The following MCOLN3 variants were observed in gnomAD, a reference collection of about 807,000 sequenced individuals.
The protein encoded by MCOLN3 is mucolipin TRP cation channel 3.
Under a neutral mutation model 69.4 loss-of-function variants are expected in MCOLN3, and 62 were observed. That is an observed-to-expected ratio of 0.89 (90% CI 0.73 to 1.10). MCOLN3 has a LOEUF of 1.10. Ranked by LOEUF, MCOLN3 falls within the 50% of genes least tolerant of loss-of-function variation. MCOLN3 has a pLI of 0.00. For missense variants in MCOLN3, 564 were observed against 656.4 expected (o/e 0.86, Z 1.54); for synonymous variants, 183 against 217.0 (o/e 0.84, Z 1.38).
At chr1:85,039,772 C>A (rs1440045555) in intron 3 of MCOLN3, among the ~76,000 whole-genome samples, 4 of 151,726 alleles carry the variant, frequency 2.6e-5, no homozygotes, top group Admixed American at 1.3e-4. Flanking sequence ...ATAGGGAGAC[C>A]CTGTCTCTAT....
chr1:85,044,838 C>T (rs1427455286), intron 2 of MCOLN3, among the ~76,000 whole-genome samples: 1 of 152,144 alleles, frequency 6.6e-6, no homozygotes, highest in African/African-American at 2.4e-5. Context: ...ATTTAGAAAC[C>T]AGCTGAACCT....
At chr1:85,036,079 T>C (rs1233851490) in intron 3 of MCOLN3, among the ~76,000 whole-genome samples, 2 of 152,238 alleles carry the variant, frequency 1.3e-5, no homozygotes, top group African/African-American at 4.8e-5. Context: ...TGCTCTTCTA[T>C]ACTTATTTAC....
intron 6 of MCOLN3, among the ~76,000 whole-genome samples, chr1:85,031,645 A>T (rs1401715796): frequency 6.6e-6 from 1 of 152,240 alleles, no homozygotes. Context: ...CCCTTCAGGC[A>T]GAAGGAAAAT....
rs1321332188 is a variant in MCOLN3 at position 85,029,207 on chromosome 1, T to G, written c.733-2A>C. On this transcript the variant is annotated splice_acceptor_variant, in intron 6 of 12. Transcript: ENST00000370589. LOFTEE classifies it high-confidence loss of function. ...ATGGGCCTTGTTGTCAAATGTTATC[T>G]GTGAAGACAGGAAAACAGTCAAAAA... is the stretch of plus-strand genomic sequence containing the variant. 1 of 1,559,840 alleles carries G rather than the reference T, an allele frequency of 6.4e-7. No homozygotes were observed. The highest frequency in any genetic ancestry group is 1.1e-5 in the South Asian group (1 of 89,746).
At chr1:85,035,530 G>A (rs1188598137) in intron 3 of MCOLN3, among the ~76,000 whole-genome samples, 1 of 152,178 alleles carries the variant, frequency 6.6e-6, no homozygotes, top group Non-Finnish European at 1.5e-5. Context: ...TCAGTCAGTT[G>A]TTCAGGCCAA....
chr1:85,041,031 C>T lies in MCOLN3; in HGVS notation c.375G>A (p.Gln125=), dbSNP rs775650915. 8 of 1,613,324 alleles carry T rather than the reference C, an allele frequency of 5.0e-6. No individual in the cohort carries two copies. The Admixed American group carries it at 1.2e-4, about 24-fold the overall frequency. Residue 125 remains glutamine, a synonymous_variant, in exon 3 of 13, where the codon CAG becomes CAA. Transcript: ENST00000370589. The part of the protein sequence containing the change: ...AVYTQSDVYD[Q]LIFAVNQYLQ... Reference sequence around the variant, plus strand: ...TTACCTGGTTTACTGCGAAGATTAACTGATCATACACGTCACTTTGTGTGT... The same window carrying T: ...TTACCTGGTTTACTGCGAAGATTAATTGATCATACACGTCACTTTGTGTGT...
chr1:85,037,265 T>C (rs1036592032), intron 3 of MCOLN3, among the ~76,000 whole-genome samples: 1 of 152,176 alleles, frequency 6.6e-6, no homozygotes, highest in African/African-American at 2.4e-5. Context: ...AGTTTTGAGA[T>C]TTTTGTTTTC....
At chr1:85,029,435 T>G (rs1652394978) in intron 6 of MCOLN3, 1 of 394,006 alleles carries the variant, frequency 2.5e-6, no homozygotes, top group Admixed American at 4.2e-5. Context: ...ACATTATATG[T>G]CTAGGGCAGC....
At chr1:85,028,452 G>A (rs899308141) in intron 7 of MCOLN3, among the ~76,000 whole-genome samples, 16 of 152,126 alleles carry the variant, frequency 1.1e-4, no homozygotes, top group African/African-American at 9.7e-5. Flanking sequence ...CTCATCTAGC[G>A]ACCATTAAGT....
At chr1:85,046,361 T>C (rs984037633) in intron 1 of MCOLN3, among the ~76,000 whole-genome samples, 1 of 152,132 alleles carries the variant, frequency 6.6e-6, no homozygotes, top group Non-Finnish European at 1.5e-5. Flanking sequence ...TTTTATTGTC[T>C]TCAGAATCAG....
Position 85,034,095 on chromosome 1 carries a change from C to T in MCOLN3, c.550+3G>A. 4 of 1,614,096 alleles carry T rather than the reference C, an allele frequency of 2.5e-6. No individual in the cohort carries two copies. The highest frequency in any genetic ancestry group is 2.5e-6 in the Non-Finnish European group (3 of 1,179,974). ...GAGGTTCTAGGTTATAGAAGAACAT[C>T]ACCAGTTTCAATTTCTGGATCGATG... is the stretch of plus-strand genomic sequence containing the variant. On this transcript the variant is annotated splice_donor_region_variant and intron_variant, in intron 4 of 12. Coordinates refer to ENST00000370589, the MANE Select transcript of MCOLN3 (RefSeq NM_018298.11).
chr1:85,022,446 C>A (rs2102916220), intron 9 of MCOLN3, 46 bp from the exon 10 acceptor site: 3 of 1,357,332 alleles, frequency 2.2e-6, no homozygotes, highest in South Asian at 2.4e-5. Flanking sequence ...AGCAGAAATT[C>A]ATTTGGCAAT....
intron 7 of MCOLN3, 87 bp downstream of exon 7, chr1:85,029,019 G>C: frequency 1.2e-6 from 1 of 819,584 alleles, no homozygotes; most frequent in Non-Finnish European, 2.0e-6. Context: ...TCTATTTGTT[G>C]TTCTAGATAT....
chr1:85,041,566 T>C (rs1653064713), intron 2 of MCOLN3, among the ~76,000 whole-genome samples: 1 of 152,098 alleles, frequency 6.6e-6, no homozygotes, highest in South Asian at 2.1e-4. Flanking sequence ...GCCTTTCAAT[T>C]ATACCTAAAA....
Position 85,018,269 on chromosome 1 carries a change from G to C in MCOLN3, c.*854C>G, listed in dbSNP as rs1225072537. ...ATACAGTCATATGCTGGATAACGATGTTTTGGTCAATGATGTACCGCATAT... is the reference window on the plus strand; with the variant it reads ...ATACAGTCATATGCTGGATAACGATCTTTTGGTCAATGATGTACCGCATAT... On this transcript the variant is annotated 3_prime_UTR_variant, in exon 13 of 13. Coordinates refer to ENST00000370589, the MANE Select transcript of MCOLN3 (RefSeq NM_018298.11). The C allele has an allele frequency of 6.6e-6, 1 of 152,146 alleles. No homozygotes were observed. Among genetic ancestry groups the C allele is most frequent in the Non-Finnish European group, 1.5e-5 (1 of 68,028 alleles). The allele number at this position is 152,146 out of a possible 1,614,324, so 9.4% of individuals were successfully genotyped here. A position where few individuals can be genotyped will look rare whatever the true frequency, so the allele number is the denominator to read the frequency against.
chr1:85,018,710 G>T lies in MCOLN3; in HGVS notation c.*413C>A, dbSNP rs542948529. 1.9e-5 allele frequency: 3 copies of T among 158,832 alleles called. No homozygotes were observed. Among genetic ancestry groups the T allele is most frequent in the Non-Finnish European group, 4.1e-5 (3 of 72,730 alleles). 9.8% of individuals were successfully genotyped at this position (158,832 alleles called of 1,614,324 possible). A position where few individuals can be genotyped will look rare whatever the true frequency, so the allele number is the denominator to read the frequency against. On this transcript the variant is annotated 3_prime_UTR_variant, in exon 13 of 13. Coordinates refer to ENST00000370589, the MANE Select transcript of MCOLN3 (RefSeq NM_018298.11). ...AACTACACCCACTCTCTCAAGGATG[G>T]ACTCCTGAGAGTGGTCCAAGCCAGG... is the stretch of plus-strand genomic sequence containing the variant.
At chr1:85,047,508 C>T (rs958541392) in intron 1 of MCOLN3, 8 of 152,242 alleles carry the variant, frequency 5.3e-5, no homozygotes, top group African/African-American at 1.9e-4. Context: ...AGGGGCCATC[C>T]GGAGAGGCTA....
intron 3 of MCOLN3, among the ~76,000 whole-genome samples, chr1:85,038,901 G>A (rs1191608118): frequency 1.3e-5 from 2 of 152,104 alleles, no homozygotes; most frequent in African/African-American, 4.8e-5. Flanking sequence ...AGGCTGAGAT[G>A]GGAGAATTGC....
intron 6 of MCOLN3, among the ~76,000 whole-genome samples, chr1:85,032,084 AAG>A (rs147505457): frequency 2.8e-4 from 42 of 148,910 alleles, no homozygotes; most frequent in Non-Finnish European, 4.0e-4. Context: ...TCAAAAAAAG[AAG>A]AGAGAGAGAG....
Sources: allele counts gnomAD v4.1 joint callset (sites outside exome capture counted in the v4.1 genomes callset), GRCh38; gene constraint gnomAD v4.1.1; transcripts MANE v1.5; gene names NCBI Gene and HGNC (gene_info 2026-07-23, HGNC 2026-07-21).